Variants in EAF2 observed in about 807,000 individuals in gnomAD.
The protein encoded by EAF2 is ELL associated factor 2, also known as ELL-associated factor 2.
A neutral mutation model predicts 29.4 loss-of-function variants in EAF2; 29 were observed. The observed-to-expected ratio is 0.99, with a 90% confidence interval of 0.73 to 1.35. EAF2 has a LOEUF of 1.35. EAF2 is among the 40% of genes most tolerant of loss of function. EAF2 has a pLI of 0.00. For missense variants in EAF2, 292 were observed against 312.0 expected (o/e 0.94, Z 0.48); for synonymous variants, 103 against 102.5 (o/e 1.00, Z -0.03).
At chr3:121,838,254 C>T (rs909609304) in intron 1 of EAF2, among the ~76,000 whole-genome samples, 1 of 151,848 alleles carries the variant, frequency 6.6e-6, no homozygotes, top group Non-Finnish European at 1.5e-5. Flanking sequence ...TGAAAGAAAT[C>T]CAGAGAGAAT....
intron 1 of EAF2, among the ~76,000 whole-genome samples, chr3:121,840,503 A>AC (rs1708395738): frequency 1.3e-5 from 1 of 76,208 alleles, no homozygotes; most frequent in South Asian, 3.1e-4. Context: ...AAAAAAAAAA[A>AC]AAAAAGAAAA....
chr3:121,848,635 A>T (rs965721173), intron 2 of EAF2, among the ~76,000 whole-genome samples: 13 of 151,952 alleles, frequency 8.6e-5, no homozygotes, highest in African/African-American at 3.1e-4. Flanking sequence ...TTATCAAAAT[A>T]CTCATATAGC....
intron 2 of EAF2, among the ~76,000 whole-genome samples, chr3:121,851,528 A>G (rs1708631415): frequency 6.6e-6 from 1 of 152,172 alleles, no homozygotes; most frequent in East Asian, 1.9e-4. Flanking sequence ...TGACAATCCT[A>G]AGTCAGTCAT....
rs1708664419 is a variant in EAF2, at chr3:121,853,305, G to T, written c.202-1382G>T. Reference sequence around the variant, plus strand: ...AAAAACGTGTTTTTTACAGACATTTGTCTGTAAAATGTCCTAACTAGAATC... The same window carrying T: ...AAAAACGTGTTTTTTACAGACATTTTTCTGTAAAATGTCCTAACTAGAATC... On this transcript the variant is annotated intron_variant, in intron 2 of 5. Coordinates refer to ENST00000273668, the MANE Select transcript of EAF2 (RefSeq NM_018456.6). Among the ~76,000 whole-genome samples, 4 of 152,102 alleles carry T rather than the reference G, an allele frequency of 2.6e-5. No individual in the cohort carries two copies. In the South Asian group the frequency reaches 8.3e-4, roughly 32 times the overall value.
At chr3:121,852,180 C>T (rs1559820601) in intron 2 of EAF2, among the ~76,000 whole-genome samples, 1 of 152,036 alleles carries the variant, frequency 6.6e-6, no homozygotes, top group African/African-American at 2.4e-5. Flanking sequence ...ATGATTAGTT[C>T]TTATTTTCAG....
At chr3:121,855,689 A>G (rs1197863559) in intron 3 of EAF2, among the ~76,000 whole-genome samples, 1 of 152,190 alleles carries the variant, frequency 6.6e-6, no homozygotes, top group Non-Finnish European at 1.5e-5. Flanking sequence ...TTCAGGGCCA[A>G]TGAGTAAGAC....
rs567041885 is a variant in EAF2, at chr3:121,884,676, C to T, written c.737-1666C>T. On this transcript the variant is annotated intron_variant, in intron 5 of 5. Transcript: ENST00000273668. The stretch of plus-strand genomic sequence containing the variant: ...TCTTGACCTCATGATCCGCCCACCT[C>T]AGCCTCCCGAAGTGCTGGGATTACA... Among the ~76,000 whole-genome samples, 441 of 151,094 alleles carry T rather than the reference C, an allele frequency of 2.9e-3. 2 individuals carry two copies. The highest frequency in any genetic ancestry group is 0.01 in the African/African-American group (418 of 41,372).
intron 5 of EAF2, among the ~76,000 whole-genome samples, chr3:121,876,407 T>G (rs754607236): frequency 8.6e-5 from 13 of 151,846 alleles, no homozygotes; most frequent in Non-Finnish European, 1.3e-4. Context: ...TATATATATT[T>G]CAGCAGAAAG....
At chr3:121,857,681 A>C (rs1436742592) in intron 4 of EAF2, among the ~76,000 whole-genome samples, 2 of 151,946 alleles carry the variant, frequency 1.3e-5, no homozygotes, top group Admixed American at 1.3e-4. Flanking sequence ...CATTTTATTT[A>C]TTTTATTATA....
chr3:121,880,308 ATTT>A (rs57276792), intron 5 of EAF2, among the ~76,000 whole-genome samples: 1 of 147,812 alleles, frequency 6.8e-6, no homozygotes. Flanking sequence ...ATGCCAGCTA[ATTT>A]TTTTTTTTTT....
intron 1 of EAF2, among the ~76,000 whole-genome samples, chr3:121,840,090 C>A (rs1341066113): frequency 1.4e-5 from 2 of 147,496 alleles, no homozygotes; most frequent in Admixed American, 1.4e-4. Flanking sequence ...TCTTGGAAGG[C>A]TGAGACAGAG....
intron 5 of EAF2, among the ~76,000 whole-genome samples, chr3:121,875,676 C>T (rs75263603): frequency 0.023 from 3,462 of 151,662 alleles, 62 homozygotes; most frequent in Middle Eastern, 0.048. Context: ...TAAATAAGTA[C>T]GCTAAAAACA....
intron 5 of EAF2, among the ~76,000 whole-genome samples, chr3:121,879,543 C>G (rs1213698228): frequency 2.0e-5 from 3 of 151,590 alleles, no homozygotes; most frequent in African/African-American, 7.3e-5. Flanking sequence ...AGTCTTTAAT[C>G]CATTTTGATT....
chr3:121,873,077 CT>C (rs1439832665), intron 5 of EAF2: 2 of 685,776 alleles, frequency 2.9e-6, no homozygotes, highest in South Asian at 1.6e-5. Context: ...CTTTTGGGTT[CT>C]TTTTTTCTTT....
chr3:121,837,722 G>C (rs947983370), intron 1 of EAF2: 1 of 152,148 alleles, frequency 6.6e-6, no homozygotes, highest in Non-Finnish European at 1.5e-5. Context: ...ATGTAATTTA[G>C]TCAGACTTTG....
chr3:121,836,103 T>A (rs1290229365), intron 1 of EAF2: 3 of 152,378 alleles, frequency 2.0e-5, no homozygotes, highest in Middle Eastern at 3.4e-3. Flanking sequence ...CTTTAGCAGT[T>A]GGATGATATA....
intron 5 of EAF2, 107 bp downstream of exon 5, chr3:121,872,895 T>C: frequency 1.4e-6 from 2 of 1,385,054 alleles, no homozygotes; most frequent in Non-Finnish European, 2.0e-6. Flanking sequence ...ATTTTATGCA[T>C]TTGATACTAT....
intron 5 of EAF2, among the ~76,000 whole-genome samples, chr3:121,873,454 C>T (rs771211228): frequency 1.2e-4 from 18 of 151,820 alleles, no homozygotes; most frequent in Admixed American, 6.6e-4. Flanking sequence ...TCTGCATCTC[C>T]ACCACTATCA....
rs532817893 is a variant in EAF2 at position 121,872,989 on chromosome 3, A to G, written c.736+201A>G. ...CTTGGTTTTTCTCCCATCTCTCTAG[A>G]TAATCTTTCCTCTCACTCCTTTTCA... On this transcript the variant is annotated intron_variant, in intron 5 of 5. Transcript: ENST00000273668. 78 of 828,076 alleles carry G rather than the reference A, an allele frequency of 9.4e-5. No homozygotes were observed. In the South Asian group the frequency reaches 1.0e-3, roughly 11 times the overall value. The allele number at this position is 828,076 out of a possible 1,614,324, so 51.3% of individuals were successfully genotyped here. A position where few individuals can be genotyped will look rare whatever the true frequency, so the allele number is the denominator to read the frequency against.
Sources: gnomAD v4.1 joint callset for allele counts (sites outside exome capture counted in the v4.1 genomes callset) on GRCh38, gnomAD v4.1.1 for gene constraint, MANE v1.5 for transcripts, NCBI Gene and HGNC (gene_info 2026-07-23, HGNC 2026-07-21) for gene names.